Variants in CATSPERT observed in about 807,000 individuals in gnomAD.
CATSPERT encodes the protein catsper channel auxiliary subunit tau, also known as cation channel sperm-associated targeting subunit tau.
At chr2:201,567,793 C>T in the CATSPERT span, among the ~76,000 whole-genome samples, 63,397 of 152,076 alleles carry the variant, frequency 0.42, 13,776 homozygotes, top group East Asian at 0.75. Flanking sequence ...TAAACACCCT[C>T]CTCTCAGAAC....
the CATSPERT span, among the ~76,000 whole-genome samples, chr2:201,585,407 G>GA: frequency 7.3e-3 from 897 of 122,890 alleles, 7 homozygotes; most frequent in African/African-American, 0.021. Flanking sequence ...TACAGAACAA[G>GA]AAAAAAAAAA....
chr2:201,608,683 G>A, the CATSPERT span, among the ~76,000 whole-genome samples: 1 of 152,000 alleles, frequency 6.6e-6, no homozygotes, highest in Admixed American at 6.6e-5. Context: ...CAGGCATGGT[G>A]GCGAGTTCCT....
At chr2:201,593,273 T>G in the CATSPERT span, among the ~76,000 whole-genome samples, 1 of 151,370 alleles carries the variant, frequency 6.6e-6, no homozygotes, top group Non-Finnish European at 1.5e-5. Context: ...TTGTTCAGTT[T>G]CCATGTAGTT....
chr2:201,533,292 A>T, the CATSPERT span, among the ~76,000 whole-genome samples: 1 of 152,244 alleles, frequency 6.6e-6, no homozygotes, highest in Non-Finnish European at 1.5e-5. Flanking sequence ...TTGAACTTTC[A>T]ACTTCCCTCA....
the CATSPERT span, among the ~76,000 whole-genome samples, chr2:201,532,067 G>C: frequency 5.0e-4 from 76 of 152,322 alleles, no homozygotes; most frequent in African/African-American, 1.7e-3. Flanking sequence ...AGCAATTACA[G>C]TGGTGGATTT....
the CATSPERT span, among the ~76,000 whole-genome samples, chr2:201,562,460 T>G: frequency 2.6e-3 from 401 of 152,190 alleles, 2 homozygotes; most frequent in Non-Finnish European, 2.1e-3. Flanking sequence ...GTGCTGGGAC[T>G]ACAGGCGTGA....
chr2:201,548,862 G>A, the CATSPERT span, among the ~76,000 whole-genome samples: 1 of 152,074 alleles, frequency 6.6e-6, no homozygotes, highest in Non-Finnish European at 1.5e-5. Context: ...GAAACTGGGA[G>A]GGCTTTTCTC....
the CATSPERT span, among the ~76,000 whole-genome samples, chr2:201,576,316 T>C: frequency 6.6e-6 from 1 of 152,200 alleles, no homozygotes; most frequent in African/African-American, 2.4e-5. Flanking sequence ...TTCCACTGTT[T>C]TCAGCAGAGG....
chr2:201,525,528 T>C, the CATSPERT span, among the ~76,000 whole-genome samples: 1 of 151,956 alleles, frequency 6.6e-6, no homozygotes, highest in South Asian at 2.1e-4. Context: ...AACAACCTAA[T>C]GTCACAGGAA....
At chr2:201,552,282 A>G in the CATSPERT span, among the ~76,000 whole-genome samples, 1 of 151,998 alleles carries the variant, frequency 6.6e-6, no homozygotes, top group Non-Finnish European at 1.5e-5. Flanking sequence ...GCCCTTGTAT[A>G]TTTTTCATTG....
At chr2:201,566,623 A>G in the CATSPERT span, among the ~76,000 whole-genome samples, 8,138 of 151,742 alleles carry the variant, frequency 0.054, 256 homozygotes, top group African/African-American at 0.078. Flanking sequence ...CATTTGGGTT[A>G]GTTCCAAGTC....
the CATSPERT span, chr2:201,495,746 A>T: frequency 3.0e-6 from 1 of 331,240 alleles, no homozygotes; most frequent in African/African-American, 2.4e-5. Flanking sequence ...GTTGAGATTC[A>T]TTAGGTCAGA....
the CATSPERT span, among the ~76,000 whole-genome samples, chr2:201,512,072 A>G: frequency 6.6e-6 from 1 of 152,046 alleles, no homozygotes; most frequent in Non-Finnish European, 1.5e-5. Flanking sequence ...ACTGGAATAT[A>G]TGTTTAGTGG....
chr2:201,576,934 T>C, the CATSPERT span, among the ~76,000 whole-genome samples: 11 of 152,190 alleles, frequency 7.2e-5, no homozygotes, highest in Non-Finnish European at 1.3e-4. Flanking sequence ...TTAAACCACG[T>C]TAACCTTTGG....
chr2:201,528,667 C>T, the CATSPERT span, among the ~76,000 whole-genome samples: 7 of 152,112 alleles, frequency 4.6e-5, no homozygotes, highest in East Asian at 1.9e-4. Flanking sequence ...GAATAGAAAA[C>T]GAAATACTAC....
At chr2:201,557,458 G>A in the CATSPERT span, 2 of 152,046 alleles carry the variant, frequency 1.3e-5, no homozygotes, top group African/African-American at 4.8e-5. Context: ...AAGACACATG[G>A]GAGTTTCATC....
At chr2:201,487,470 A>G in the CATSPERT span, 1 of 760,306 alleles carries the variant, frequency 1.3e-6, no homozygotes, top group Non-Finnish European at 2.1e-6. Flanking sequence ...AACAAGATGA[A>G]ATTTGGTTGC....
chr2:201,596,517 C>T, the CATSPERT span, among the ~76,000 whole-genome samples: 1 of 152,070 alleles, frequency 6.6e-6, no homozygotes, highest in Non-Finnish European at 1.5e-5. Context: ...CAACAAACCC[C>T]CATGACACAA....
the CATSPERT span, among the ~76,000 whole-genome samples, chr2:201,498,915 G>A: frequency 1.0e-4 from 15 of 150,202 alleles, no homozygotes; most frequent in East Asian, 2.5e-3. Context: ...GCAGAGTAAC[G>A]ATTGCTGAGA....
Sources: gnomAD v4.1 joint callset for allele counts (sites outside exome capture counted in the v4.1 genomes callset) on GRCh38, gnomAD v4.1.1 for gene constraint, MANE v1.5 for transcripts, NCBI Gene and HGNC (gene_info 2026-07-23, HGNC 2026-07-21) for gene names.